The following ASZ1 variants were observed in gnomAD, a reference collection of about 807,000 sequenced individuals.
ASZ1 encodes the protein ankyrin repeat, SAM and basic leucine zipper domain containing 1, also known as ankyrin repeat, SAM and basic leucine zipper domain-containing protein 1.
ASZ1 carries 67 observed loss-of-function variants against 61.8 expected under a neutral mutation model. The ratio of observed to expected loss-of-function variants is 1.08; its 90% CI spans 0.89 to 1.33. The LOEUF (loss-of-function observed/expected upper bound fraction) is 1.33. Ranked by LOEUF, ASZ1 falls within the 40% of genes most tolerant of loss-of-function variation. The pLI, the probability that ASZ1 is intolerant of heterozygous loss-of-function variation, is 0.00. For synonymous variants in ASZ1, 193 were observed against 192.7 expected (o/e 1.00, Z -0.01); for missense variants, 577 against 554.5 (o/e 1.04, Z -0.41).
chr7:117,412,919 T>C (rs1481532805), intron 4 of ASZ1, among the ~76,000 whole-genome samples: 1 of 151,904 alleles, frequency 6.6e-6, no homozygotes. Context: ...TAAGGTTAAA[T>C]TGAAGATTTA....
chr7:117,409,757 C>T (rs2116516611), intron 4 of ASZ1, among the ~76,000 whole-genome samples: 1 of 151,868 alleles, frequency 6.6e-6, no homozygotes, highest in East Asian at 1.9e-4. Flanking sequence ...GAAGAAACTT[C>T]ACTACCTCCT....
chr7:117,399,132 A>C (rs1796630319), intron 4 of ASZ1, among the ~76,000 whole-genome samples: 1 of 152,184 alleles, frequency 6.6e-6, no homozygotes, highest in Non-Finnish European at 1.5e-5. Context: ...TAGGAGGCTG[A>C]GGCAGGAGGA....
Position 117,363,546 on chromosome 7 carries a change from T to C in ASZ1, c.*50A>G. The C allele has an allele frequency of 1.5e-6, 2 of 1,376,982 alleles. No individual in the cohort carries two copies. Among genetic ancestry groups the C allele is most frequent in the Admixed American group, 5.0e-5 (2 of 40,258 alleles). The allele number at this position is 1,376,982 out of a possible 1,614,324, so 85.3% of individuals were successfully genotyped here. A position where few individuals can be genotyped will look rare whatever the true frequency, so the allele number is the denominator to read the frequency against. ...TGCAAACAGTTAAAAGCAATGATTT[T>C]TGGATGGTTCAATAAGATGTGTATA... On this transcript the variant is annotated 3_prime_UTR_variant, in exon 13 of 13. Coordinates refer to ENST00000284629, the MANE Select transcript of ASZ1 (RefSeq NM_130768.3).
chr7:117,368,313 C>T, intron 11 of ASZ1: 1 of 1,017,264 alleles, frequency 9.8e-7, no homozygotes, highest in Non-Finnish European at 1.2e-6. Context: ...TCCATTTTCA[C>T]TTGGGTCTCC....
At chr7:117,405,216 T>G (rs542696735) in intron 4 of ASZ1, among the ~76,000 whole-genome samples, 1 of 152,296 alleles carries the variant, frequency 6.6e-6, no homozygotes, top group African/African-American at 2.4e-5. Context: ...CAGCCCTAAC[T>G]TGTCAGCCTG....
At chr7:117,377,625 A>C (rs905233398) in intron 10 of ASZ1, among the ~76,000 whole-genome samples, 6 of 152,228 alleles carry the variant, frequency 3.9e-5, no homozygotes, top group Admixed American at 3.3e-4. Context: ...ATTATACCTA[A>C]ATTAATCAAT....
rs757680521 is a variant in ASZ1, at chr7:117,420,321, A to ATCTT, written c.329-48_329-47insAAGA. 3.2e-5 allele frequency: 43 copies of ATCTT among 1,348,986 alleles called. No individual in the cohort carries two copies. The Middle Eastern group carries it at 5.7e-4, about 18-fold the overall frequency. 83.6% of individuals were successfully genotyped at this position (1,348,986 alleles called of 1,614,324 possible). On this transcript the variant is annotated intron_variant, in intron 3 of 12. Coordinates refer to ENST00000284629, the MANE Select transcript of ASZ1 (RefSeq NM_130768.3). ...GGAAAAATCCCCATACATCAAGAGCATCTATTCGATGTCTTTACCACTCAA... is the reference window on the plus strand; with the variant it reads ...GGAAAAATCCCCATACATCAAGAGCATCTTTCTATTCGATGTCTTTACCACTCAA...
intron 4 of ASZ1, among the ~76,000 whole-genome samples, chr7:117,401,615 C>T (rs1450973046): frequency 2.6e-5 from 4 of 152,214 alleles, no homozygotes; most frequent in African/African-American, 9.6e-5. Context: ...GAGTGACAGG[C>T]TGGACAAGAA....
At chr7:117,404,328 C>CTT (rs746442030) in intron 4 of ASZ1, among the ~76,000 whole-genome samples, 1 of 137,612 alleles carries the variant, frequency 7.3e-6, no homozygotes, top group African/African-American at 2.6e-5. Flanking sequence ...ATTAGGCTGT[C>CTT]TTTTTTTTTT....
In ASZ1 at chr7:117,380,008, C is replaced by G; in HGVS notation, c.985G>C (p.Ala329Pro). 1 of 1,606,406 alleles carries G rather than the reference C, an allele frequency of 6.2e-7. No homozygotes were observed. Among genetic ancestry groups the G allele is most frequent in the South Asian group, 1.1e-5 (1 of 90,542 alleles). The change falls in exon 10 of 13, where the codon GCT becomes CCT. Residue 329 changes from alanine (A) to proline (P), a missense_variant. Ala to Pro is a conservative substitution (Grantham distance 27). Coordinates refer to ENST00000284629, the MANE Select transcript of ASZ1 (RefSeq NM_130768.3). ...TCTTCTACCTGTAGTTCTTTAAGAG[C>G]AGCCAGAATTTTCTGCTGGTCTTTA... Reference protein sequence around the residue: ...TSKDQQKILAALKELQVEEIQ... With the variant: ...TSKDQQKILAPLKELQVEEIQ...
In ASZ1 at chr7:117,420,164, T is replaced by C; in HGVS notation, c.439A>G (p.Arg147Gly). 6.2e-7 allele frequency: 1 copy of C among 1,607,642 alleles called. No homozygotes were observed. Among genetic ancestry groups the C allele is most frequent in the Non-Finnish European group, 8.5e-7 (1 of 1,177,238 alleles). ...SRNADPNVACRRLMTPIMYAA... is the reference protein window; with the variant it reads ...SRNADPNVACGRLMTPIMYAA... The stretch of plus-strand genomic sequence containing the variant: ...TTGAACAGATATAAAGGCTCTTACC[T>C]ACAAGCAACATTTGGATCAGCATTT... Residue 147 changes from arginine (R) to glycine (G), a missense_variant and splice_region_variant, in exon 4 of 13, where the codon AGG (arginine) becomes GGG (glycine). Physicochemically the swap from Arg to Gly is moderately radical, Grantham distance 125 (BLOSUM62 -2). Coordinates refer to ENST00000284629, the MANE Select transcript of ASZ1 (RefSeq NM_130768.3).
chr7:117,397,964 T>C (rs1043925773), intron 4 of ASZ1, among the ~76,000 whole-genome samples: 10 of 152,202 alleles, frequency 6.6e-5, no homozygotes, highest in African/African-American at 2.2e-4. Context: ...TTCATCCACA[T>C]AGTGGGTAGC....
chr7:117,385,453 G>A (rs1796335374), intron 5 of ASZ1, among the ~76,000 whole-genome samples: 2 of 151,890 alleles, frequency 1.3e-5, no homozygotes, highest in Non-Finnish European at 2.9e-5. Context: ...TAGAGACAGG[G>A]TTTCACCATG....
intron 4 of ASZ1, among the ~76,000 whole-genome samples, chr7:117,393,154 A>AT (rs1796505563): frequency 6.6e-6 from 1 of 150,604 alleles, no homozygotes; most frequent in Non-Finnish European, 1.5e-5. Flanking sequence ...GCTGGGTAGC[A>AT]TAAAAAAAAA....
intron 4 of ASZ1, among the ~76,000 whole-genome samples, chr7:117,406,062 C>A (rs917241180): frequency 6.6e-6 from 1 of 151,918 alleles, no homozygotes; most frequent in Non-Finnish European, 1.5e-5. Flanking sequence ...CAAACACATA[C>A]TCTCCTTAGA....
At position 117,384,715 on chromosome 7, in the gene ASZ1, C is replaced by A. The variant is rs766587239; in HGVS notation, c.687+11G>T. The A allele has an allele frequency of 1.2e-6, 2 of 1,608,862 alleles. No individual in the cohort carries two copies. ...CCACAGAAAATAAGTTTAATATGTACAGAAGGATACCTCATGATGTTTGTT... is the reference window on the plus strand; with the variant it reads ...CCACAGAAAATAAGTTTAATATGTAAAGAAGGATACCTCATGATGTTTGTT... On this transcript the variant is annotated intron_variant, in intron 6 of 12. Transcript: ENST00000284629.
At chr7:117,384,700 T>C (rs773365966) in intron 6 of ASZ1, 26 bp downstream of exon 6, 48 of 1,582,274 alleles carry the variant, frequency 3.0e-5, no homozygotes, top group African/African-American at 1.4e-4. Context: ...CCACAGAAAA[T>C]AAGTTTAATA....
rs1796266263 is a variant in ASZ1, at chr7:117,382,136, G to A, written c.821C>T (p.Thr274Ile). The A allele has an allele frequency of 6.3e-7, 1 of 1,585,548 alleles. No homozygotes were observed. Among genetic ancestry groups the A allele is most frequent in the African/African-American group, 1.3e-5 (1 of 74,168 alleles). The change falls in exon 8 of 13, where the codon ACA becomes ATA. Residue 274 changes from threonine (T) to isoleucine (I), a missense_variant. Physicochemically the swap from Thr to Ile is moderately conservative, Grantham distance 89. Coordinates refer to ENST00000284629, the MANE Select transcript of ASZ1 (RefSeq NM_130768.3). Reference protein sequence around the residue: ...REKDHIFSSYTAFGDLEVFLH... With the variant: ...REKDHIFSSYIAFGDLEVFLH... ...AAATACTTCCAGATCTCCAAATGCT[G>A]TATATGAACTGTATACATTTATAGC...
At chr7:117,404,417 CTTTT>C (rs57876175) in intron 4 of ASZ1, among the ~76,000 whole-genome samples, 2 of 130,568 alleles carry the variant, frequency 1.5e-5, no homozygotes. Flanking sequence ...TGACTGTTTC[CTTTT>C]TTTTTTTTTT....
Sources: gnomAD v4.1 joint callset for allele counts (sites outside exome capture counted in the v4.1 genomes callset) on GRCh38, gnomAD v4.1.1 for gene constraint, MANE v1.5 for transcripts, NCBI Gene and HGNC (gene_info 2026-07-23, HGNC 2026-07-21) for gene names.